BCKDHB: variants seen among roughly 807,000 people sequenced by gnomAD.
The protein encoded by BCKDHB is 2-oxoisovalerate dehydrogenase subunit beta, mitochondrial.
Under a neutral mutation model 48.5 loss-of-function variants are expected in BCKDHB, and 41 were observed. The ratio of observed to expected loss-of-function variants is 0.85; its 90% CI spans 0.66 to 1.10. The LOEUF is 1.10. Among genes scored for constraint, BCKDHB ranks in the 50% least tolerant of loss-of-function variants. The pLI is 0.00. For synonymous variants in BCKDHB, 201 were observed against 174.8 expected, an observed-to-expected ratio of 1.15 and a Z score of -1.18; for missense variants, 496 against 494.2, an observed-to-expected ratio of 1.00 and a Z score of -0.03.
chr6:80,277,299 G>GT (rs951310859), intron 9 of BCKDHB, among the ~76,000 whole-genome samples: 11 of 151,710 alleles, frequency 7.3e-5, no homozygotes, highest in African/African-American at 2.4e-4. Context: ...GTAACCCCAG[G>GT]TTTTTTTAAG....
the BCKDHB span, among the ~76,000 whole-genome samples, chr6:80,420,834 C>G: frequency 5.3e-5 from 8 of 152,182 alleles, no homozygotes; most frequent in Admixed American, 5.2e-4. Context: ...GTTAAGGAGC[C>G]AAATGCTCAG....
At chr6:80,425,661 C>T in the BCKDHB span, among the ~76,000 whole-genome samples, 57 of 152,316 alleles carry the variant, frequency 3.7e-4, no homozygotes, top group African/African-American at 1.3e-3. Context: ...CCTAAGACAT[C>T]TGATCACTTT....
intron 3 of BCKDHB, among the ~76,000 whole-genome samples, chr6:80,150,240 C>G (rs1771704924): frequency 6.6e-6 from 1 of 152,100 alleles, no homozygotes; most frequent in Non-Finnish European, 1.5e-5. Flanking sequence ...TAACTATTGT[C>G]TATTTCCATC....
chr6:80,158,160 C>T (rs1351014936), intron 3 of BCKDHB, among the ~76,000 whole-genome samples: 1 of 152,150 alleles, frequency 6.6e-6, no homozygotes, highest in East Asian at 1.9e-4. Flanking sequence ...CTAATTTGGG[C>T]TTTGCTGTGT....
rs1242219539 is a variant in BCKDHB at position 80,343,906 on chromosome 6, A to C, written c.*102A>C. 6.8e-7 allele frequency: 1 copy of C among 1,460,844 alleles called. No homozygotes were observed. The highest frequency in any genetic ancestry group is 9.6e-7 in the Non-Finnish European group (1 of 1,044,120). 90.5% of individuals were successfully genotyped at this position (1,460,844 alleles called of 1,614,324 possible). A position where few individuals can be genotyped will look rare whatever the true frequency, so the allele number is the denominator to read the frequency against. On this transcript the variant is annotated 3_prime_UTR_variant, in exon 10 of 10. Coordinates refer to ENST00000320393, the MANE Select transcript of BCKDHB (RefSeq NM_183050.4). ...AATCATCAGTGTTTTGATGGTAACA[A>C]ACTTTGATGGTAAAGTTGGTAAAAG...
At chr6:80,109,725 T>C (rs1157262754) in intron 1 of BCKDHB, among the ~76,000 whole-genome samples, 1 of 152,238 alleles carries the variant, frequency 6.6e-6, no homozygotes, top group Non-Finnish European at 1.5e-5. Context: ...GTATACTCAG[T>C]ATTTTTCCTA....
chr6:80,310,387 A>G (rs1362583007), intron 9 of BCKDHB, among the ~76,000 whole-genome samples: 1 of 151,928 alleles, frequency 6.6e-6, no homozygotes, highest in Non-Finnish European at 1.5e-5. Flanking sequence ...TTTGCTAAGG[A>G]TAATCGCTTC....
At chr6:80,419,964 A>T in the BCKDHB span, among the ~76,000 whole-genome samples, 1 of 152,090 alleles carries the variant, frequency 6.6e-6, no homozygotes, top group African/African-American at 2.4e-5. Flanking sequence ...CAGACATTGT[A>T]TTCTTCTGCT....
chr6:80,382,241 T>C, the BCKDHB span, among the ~76,000 whole-genome samples: 11 of 152,210 alleles, frequency 7.2e-5, no homozygotes, highest in Middle Eastern at 3.4e-3. Context: ...ATACTCATGG[T>C]TTTGGAAATT....
intron 8 of BCKDHB, among the ~76,000 whole-genome samples, chr6:80,227,314 T>C (rs1775720365): frequency 6.6e-6 from 1 of 152,210 alleles, no homozygotes; most frequent in African/African-American, 2.4e-5. Flanking sequence ...CACTGAAGAA[T>C]TGTTTAGTCA....
intron 9 of BCKDHB, among the ~76,000 whole-genome samples, chr6:80,306,563 C>T (rs1185517869): frequency 6.6e-6 from 1 of 152,192 alleles, no homozygotes; most frequent in East Asian, 1.9e-4. Flanking sequence ...GCCAGCCATT[C>T]ACAGAAATCA....
chr6:80,188,142 C>T (rs1302606837), intron 6 of BCKDHB, among the ~76,000 whole-genome samples: 1 of 152,256 alleles, frequency 6.6e-6, no homozygotes, highest in East Asian at 1.9e-4. Context: ...GAAAACTCTA[C>T]AGGCATAAAA....
intron 3 of BCKDHB, among the ~76,000 whole-genome samples, chr6:80,153,361 C>G (rs1045492402): frequency 3.3e-5 from 5 of 152,154 alleles, no homozygotes; most frequent in Admixed American, 3.3e-4. Flanking sequence ...CCCTTCATCC[C>G]AGATAGAGAG....
At chr6:80,340,673 G>A (rs1279265595) in intron 9 of BCKDHB, among the ~76,000 whole-genome samples, 3 of 152,184 alleles carry the variant, frequency 2.0e-5, no homozygotes, top group Admixed American at 6.5e-5. Flanking sequence ...AAAATTCAGG[G>A]CACATGGTTG....
the BCKDHB span, among the ~76,000 whole-genome samples, chr6:80,459,348 A>C: frequency 3.3e-5 from 5 of 152,330 alleles, no homozygotes; most frequent in South Asian, 8.3e-4. Flanking sequence ...ATGAACCTTG[A>C]GAACATTTAG....
the BCKDHB span, among the ~76,000 whole-genome samples, chr6:80,392,454 T>A: frequency 6.6e-6 from 1 of 152,060 alleles, no homozygotes; most frequent in African/African-American, 2.4e-5. Context: ...ATTTTTTCTC[T>A]TATTATTTTC....
chr6:80,400,966 A>G, the BCKDHB span, among the ~76,000 whole-genome samples: 6 of 151,762 alleles, frequency 4.0e-5, no homozygotes, highest in Non-Finnish European at 8.8e-5. Flanking sequence ...ATGCAGGAAC[A>G]CAAATCCACA....
At chr6:80,107,018 G>C in intron 1 of BCKDHB, 129 bp downstream of exon 1, 1 of 1,220,070 alleles carries the variant, frequency 8.2e-7, no homozygotes, top group East Asian at 2.5e-5. Context: ...TGACTCTCTG[G>C]AACCTCCTTG....
rs749123579 is a variant in BCKDHB, at chr6:80,168,952, T to C, written c.555T>C (p.Pro185=). Residue 185 remains proline, a synonymous_variant, in exon 5 of 10, where the codon CCT becomes CCC. Coordinates refer to ENST00000320393, the MANE Select transcript of BCKDHB (RefSeq NM_183050.4). Reference sequence around the variant, plus strand: ...GTGGAAGCCTCACTATCCGGTCCCCTTGGGGCTGTGTTGGTCATGGGGCTC... The same window carrying C: ...GTGGAAGCCTCACTATCCGGTCCCCCTGGGGCTGTGTTGGTCATGGGGCTC... The part of the protein sequence containing the change: ...FNCGSLTIRS[P]WGCVGHGALY... 2.0e-5 allele frequency: 32 copies of C among 1,614,162 alleles called. No homozygotes were observed. In the East Asian group the frequency reaches 7.1e-4, roughly 36 times the overall value.
Sources: gnomAD v4.1 joint callset for allele counts (sites outside exome capture counted in the v4.1 genomes callset) on GRCh38, gnomAD v4.1.1 for gene constraint, MANE v1.5 for transcripts, NCBI Gene and HGNC (gene_info 2026-07-23, HGNC 2026-07-21) for gene names.